Variants in PCDHGA1 observed in about 807,000 individuals in gnomAD.
The protein encoded by PCDHGA1 is protocadherin gamma subfamily A, 1, also known as protocadherin gamma-A1.
PCDHGA1 carries 32 observed loss-of-function variants against 58.0 expected under a neutral mutation model. The ratio of observed to expected loss-of-function variants is 0.55; its 90% CI spans 0.42 to 0.74. PCDHGA1 has a LOEUF of 0.74. Among genes scored for constraint, PCDHGA1 ranks in the 30% least tolerant of loss-of-function variants. The pLI is 0.00. For missense variants in PCDHGA1, 1,205 were observed against 1,182.3 expected (o/e 1.02, Z -0.28); for synonymous variants, 498 against 501.1 (o/e 0.99, Z 0.08).
chr5:141,372,704 A>G lies in PCDHGA1; in HGVS notation c.2421+39599A>G, dbSNP rs1768986926. The G allele has an allele frequency of 5.6e-6, 9 of 1,613,992 alleles. 1 individual carries two copies. The South Asian group carries it at 8.8e-5, about 16-fold the overall frequency. ...ACACCGAGTTTAAATTTCTCAATAT[A>G]AAGGCTGAAAATGCTGCACCACAAG... is the stretch of plus-strand genomic sequence containing the variant. On this transcript the variant is annotated intron_variant, in intron 1 of 3. Coordinates refer to ENST00000517417, the MANE Select transcript of PCDHGA1 (RefSeq NM_018912.3).
intron 1 of PCDHGA1, chr5:141,475,917 C>T (rs1012431912): frequency 1.7e-6 from 1 of 599,962 alleles, no homozygotes. Context: ...AATGAAGACG[C>T]TGGAGATCGG....
At chr5:141,500,562 T>A (rs2099801387) in intron 2 of PCDHGA1, among the ~76,000 whole-genome samples, 1 of 152,202 alleles carries the variant, frequency 6.6e-6, no homozygotes, top group Admixed American at 6.5e-5. Flanking sequence ...CACAAACTTG[T>A]CACACTTTCA....
intron 1 of PCDHGA1, chr5:141,428,910 A>C (rs956124609): frequency 1.3e-5 from 2 of 151,302 alleles, no homozygotes; most frequent in Non-Finnish European, 2.9e-5. Context: ...GCTGGAGTGC[A>C]GTGGCATGAT....
At chr5:141,402,934 A>G in intron 1 of PCDHGA1, 1 of 1,586,622 alleles carries the variant, frequency 6.3e-7, no homozygotes, top group Non-Finnish European at 8.6e-7. Flanking sequence ...TTTTGAGAAA[A>G]TTCCAAAGCG....
chr5:141,427,377 A>C, intron 1 of PCDHGA1: 1 of 458,500 alleles, frequency 2.2e-6, no homozygotes, highest in Non-Finnish European at 4.4e-6. Flanking sequence ...GACGGTGATC[A>C]CTCTGTTCAA....
chr5:141,404,333 C>A, intron 1 of PCDHGA1: 3 of 1,613,854 alleles, frequency 1.9e-6, no homozygotes, highest in South Asian at 1.1e-5. Flanking sequence ...CTCAGTCTAC[C>A]TCCCGGAAAA....
At chr5:141,374,953 A>G (rs748125378) in intron 1 of PCDHGA1, 1 of 1,614,024 alleles carries the variant, frequency 6.2e-7, no homozygotes, top group Non-Finnish European at 8.5e-7. Context: ...AGATCTCACA[A>G]ATTTTCTGTT....
intron 1 of PCDHGA1, chr5:141,340,767 G>A (rs200303682): frequency 2.5e-6 from 4 of 1,613,396 alleles, no homozygotes; most frequent in South Asian, 1.1e-5. Flanking sequence ...AGAGACTCGG[G>A]CCAGAACGCC....
chr5:141,352,088 C>T lies in PCDHGA1; in HGVS notation c.2421+18983C>T, dbSNP rs1041133443. 6.2e-7 allele frequency: 1 copy of T among 1,605,026 alleles called. No individual in the cohort carries two copies. The highest frequency in any genetic ancestry group is 1.3e-5 in the African/African-American group (1 of 74,762). Reference sequence around the variant, plus strand: ...CTACCACGTGCTGCAGGCCAGCGAGCCCGGGCTCTTCAGCCTGGGGTTGCG... The same window carrying T: ...CTACCACGTGCTGCAGGCCAGCGAGTCCGGGCTCTTCAGCCTGGGGTTGCG... On this transcript the variant is annotated intron_variant, in intron 1 of 3. Transcript: ENST00000517417.
intron 1 of PCDHGA1, chr5:141,403,871 C>T: frequency 1.2e-6 from 2 of 1,613,602 alleles, no homozygotes; most frequent in Admixed American, 1.7e-5. Flanking sequence ...AGCAAAAAGT[C>T]TAGATTATGA....
chr5:141,446,423 T>C (rs745968692), intron 1 of PCDHGA1, among the ~76,000 whole-genome samples: 1 of 152,152 alleles, frequency 6.6e-6, no homozygotes, highest in Non-Finnish European at 1.5e-5. Context: ...CATGTTCATT[T>C]GAAGGATCTG....
At chr5:141,339,903 A>G (rs745872219) in intron 1 of PCDHGA1, 1 of 1,614,174 alleles carries the variant, frequency 6.2e-7, no homozygotes, top group African/African-American at 1.3e-5. Flanking sequence ...GATTATGAGG[A>G]TGCTACATTC....
At chr5:141,406,497 G>A (rs918411920) in intron 1 of PCDHGA1, among the ~76,000 whole-genome samples, 2 of 152,200 alleles carry the variant, frequency 1.3e-5, no homozygotes, top group African/African-American at 4.8e-5. Context: ...TCACAAGTGT[G>A]TAAAGTCTGT....
intron 1 of PCDHGA1, chr5:141,417,543 C>T: frequency 6.5e-6 from 2 of 307,994 alleles, no homozygotes; most frequent in Non-Finnish European, 1.2e-5. Flanking sequence ...AAAAAAAATT[C>T]CTTGAAAGAG....
chr5:141,467,532 T>G (rs2099145568), intron 1 of PCDHGA1, among the ~76,000 whole-genome samples: 1 of 152,234 alleles, frequency 6.6e-6, no homozygotes, highest in Non-Finnish European at 1.5e-5. Flanking sequence ...TGTGCTGAGA[T>G]ATGGATCTGA....
chr5:141,354,806 A>G (rs1328631738), intron 1 of PCDHGA1, among the ~76,000 whole-genome samples: 3 of 152,246 alleles, frequency 2.0e-5, no homozygotes, highest in African/African-American at 7.2e-5. Flanking sequence ...AAATAACTTC[A>G]TAAAGTTTAT....
At position 141,331,330 on chromosome 5, in the gene PCDHGA1, G is replaced by T; in HGVS notation, c.646G>T (p.Asp216Tyr). 1.9e-6 allele frequency: 3 copies of T among 1,614,184 alleles called. No homozygotes were observed. Among genetic ancestry groups the T allele is most frequent in the Non-Finnish European group, 2.5e-6 (3 of 1,180,038 alleles). The change falls in exon 1 of 4, where the codon GAT becomes TAT. Residue 216 changes from aspartate (D) to tyrosine (Y), a missense_variant. Asp to Tyr is a radical substitution (Grantham distance 160). Coordinates refer to ENST00000517417, the MANE Select transcript of PCDHGA1 (RefSeq NM_018912.3). The stretch of plus-strand genomic sequence containing the variant: ...CCACCACCTCATCCTCACAGCTTCT[G>T]ATGGGGGTGAACCAGTCCGTTCAGG... ...AVHHLILTAS[D>Y]GGEPVRSGTL...
intron 1 of PCDHGA1, among the ~76,000 whole-genome samples, chr5:141,455,769 C>T (rs1371335785): frequency 2.6e-5 from 4 of 152,014 alleles, no homozygotes; most frequent in Admixed American, 2.6e-4. Flanking sequence ...AGAGCCGGGG[C>T]TTTAAAAGAA....
chr5:141,390,179 A>G (rs1561630532), intron 1 of PCDHGA1: 1 of 1,614,044 alleles, frequency 6.2e-7, no homozygotes, highest in African/African-American at 1.3e-5. Flanking sequence ...TTAATTTCCT[A>G]AAATGTAGTG....
Sources: allele counts gnomAD v4.1 joint callset (sites outside exome capture counted in the v4.1 genomes callset), GRCh38; gene constraint gnomAD v4.1.1; transcripts MANE v1.5; gene names NCBI Gene and HGNC (gene_info 2026-07-23, HGNC 2026-07-21).